The following KDM2A variants were observed in gnomAD, a reference collection of about 807,000 sequenced individuals.
The protein encoded by KDM2A is lysine-specific demethylase 2A.
KDM2A carries 3 observed loss-of-function variants against 137.3 expected under a neutral mutation model. That is an observed-to-expected ratio of 0.02 (90% CI 0.01 to 0.06). The LOEUF (loss-of-function observed/expected upper bound fraction) is 0.06, where lower values mean the gene tolerates loss of function less well. Ranked by LOEUF, KDM2A falls within the 10% of genes least tolerant of loss-of-function variation. The pLI is 1.00. For synonymous variants in KDM2A, 512 were observed against 541.5 expected, an observed-to-expected ratio of 0.95 and a Z score of 0.76; for missense variants, 738 against 1,510.6, an observed-to-expected ratio of 0.49 and a Z score of 8.48.
chr11:67,195,892 A>G (rs1234580077), intron 5 of KDM2A: 2 of 353,270 alleles, frequency 5.7e-6, no homozygotes, highest in South Asian at 2.7e-5. Context: ...CCAGTTCTCA[A>G]TAGGCTCCAA....
chr11:67,211,121 G>C (rs1857964237), intron 6 of KDM2A, among the ~76,000 whole-genome samples: 1 of 151,830 alleles, frequency 6.6e-6, no homozygotes, highest in Admixed American at 6.6e-5. Flanking sequence ...TGTTTCTATT[G>C]GTAGAATTCT....
chr11:67,245,541 A>G lies in KDM2A; in HGVS notation c.1833+83A>G. On this transcript the variant is annotated intron_variant, in intron 14 of 20. Coordinates refer to ENST00000529006, the MANE Select transcript of KDM2A (RefSeq NM_012308.3). This position sits in a 1 kb window ranked among gnomAD's most constrained non-coding sequence, Gnocchi z 4.1. ...AAATACATATAGTGTAGAGTTAAAG[A>G]GACTTCAGAGTTGGAAAGAAAAGGT... 6.9e-7 allele frequency: 1 copy of G among 1,453,722 alleles called. No individual in the cohort carries two copies. Among genetic ancestry groups the G allele is most frequent in the Non-Finnish European group, 9.4e-7 (1 of 1,060,798 alleles). The allele number at this position is 1,453,722 out of a possible 1,614,324, so 90.1% of individuals were successfully genotyped here. A position where few individuals can be genotyped will look rare whatever the true frequency, so the allele number is the denominator to read the frequency against.
chr11:67,155,626 T>G (rs2136311120), intron 2 of KDM2A, among the ~76,000 whole-genome samples: 1 of 150,640 alleles, frequency 6.6e-6, no homozygotes, highest in South Asian at 2.1e-4. Context: ...TATTTTTATT[T>G]ATTTTTTGAA....
intron 11 of KDM2A, among the ~76,000 whole-genome samples, chr11:67,230,324 A>G (rs558417433): frequency 1.3e-5 from 2 of 152,310 alleles, no homozygotes; most frequent in South Asian, 4.1e-4. Flanking sequence ...CATCTCAAAA[A>G]GTAACCAACA....
chr11:67,148,647 G>C (rs1463469858), intron 2 of KDM2A, among the ~76,000 whole-genome samples: 1 of 151,712 alleles, frequency 6.6e-6, no homozygotes. Context: ...CTAAAAATAC[G>C]AAAATGAACT....
intron 2 of KDM2A, among the ~76,000 whole-genome samples, chr11:67,146,256 G>C (rs542224329): frequency 6.6e-6 from 1 of 151,870 alleles, no homozygotes. Context: ...GCCTCCCAAA[G>C]TGCTGGGATT....
intron 8 of KDM2A, among the ~76,000 whole-genome samples, chr11:67,216,639 G>A (rs2136396449): frequency 1.3e-5 from 2 of 152,344 alleles, no homozygotes; most frequent in South Asian, 4.1e-4. Context: ...ATGAGGTCTT[G>A]GCCAGGCATG....
chr11:67,143,611 CTT>C (rs1266901850), intron 2 of KDM2A, among the ~76,000 whole-genome samples: 1 of 151,786 alleles, frequency 6.6e-6, no homozygotes, highest in East Asian at 1.9e-4. Context: ...GTCTGTCTGT[CTT>C]TCTCTTTTTA....
intron 5 of KDM2A, among the ~76,000 whole-genome samples, chr11:67,205,844 T>C (rs184063092): frequency 4.5e-4 from 69 of 152,208 alleles, no homozygotes; most frequent in Admixed American, 3.9e-3. Flanking sequence ...TTTCTGAATC[T>C]TTTAGCTTAT....
At chr11:67,217,683 T>A in intron 8 of KDM2A, 48 bp from the exon 9 acceptor site, 1 of 1,595,576 alleles carries the variant, frequency 6.3e-7, no homozygotes, top group Non-Finnish European at 8.6e-7. Flanking sequence ...GGGAGACGAC[T>A]GGGTCATGTC....
At chr11:67,162,124 T>C (rs1856650644) in intron 2 of KDM2A, among the ~76,000 whole-genome samples, 1 of 152,174 alleles carries the variant, frequency 6.6e-6, no homozygotes, top group Non-Finnish European at 1.5e-5. Flanking sequence ...AGAAATATAA[T>C]GATGGATAAA....
At chr11:67,154,296 T>C (rs1235365840) in intron 2 of KDM2A, among the ~76,000 whole-genome samples, 1 of 152,184 alleles carries the variant, frequency 6.6e-6, no homozygotes, top group East Asian at 1.9e-4. Context: ...TGAGGTAAAA[T>C]TTGTGTAACA....
chr11:67,255,529 C>CT lies in KDM2A; in HGVS notation c.*476dup, dbSNP rs1269026408. The CT allele has an allele frequency of 2.2e-6, 1 of 457,042 alleles. No individual in the cohort carries two copies. The highest frequency in any genetic ancestry group is 4.4e-6 in the Non-Finnish European group (1 of 227,186). 28.3% of individuals were successfully genotyped at this position (457,042 alleles called of 1,614,324 possible). A position where few individuals can be genotyped will look rare whatever the true frequency, so the allele number is the denominator to read the frequency against. On this transcript the variant is annotated 3_prime_UTR_variant, in exon 21 of 21. Coordinates refer to ENST00000529006, the MANE Select transcript of KDM2A (RefSeq NM_012308.3). ...TCTCTCCTCCATCACACTCTCCCGGCTTGCGCAGGAGGGGCCAGCAGCCCC... is the reference window on the plus strand; with the variant it reads ...TCTCTCCTCCATCACACTCTCCCGGCTTTGCGCAGGAGGGGCCAGCAGCCCC...
At chr11:67,156,628 A>G (rs944534975) in intron 2 of KDM2A, among the ~76,000 whole-genome samples, 1 of 150,702 alleles carries the variant, frequency 6.6e-6, no homozygotes, top group Non-Finnish European at 1.5e-5. Flanking sequence ...CTGAGGCAGG[A>G]GAATGGCGTG....
At chr11:67,185,783 A>G (rs1453254708) in intron 5 of KDM2A, among the ~76,000 whole-genome samples, 2 of 152,084 alleles carry the variant, frequency 1.3e-5, no homozygotes, top group Non-Finnish European at 2.9e-5. Context: ...TTATAAAAGC[A>G]TGAGTTCGGC....
intron 5 of KDM2A, among the ~76,000 whole-genome samples, chr11:67,191,721 C>G (rs996859699): frequency 1.3e-5 from 2 of 152,062 alleles, no homozygotes; most frequent in African/African-American, 4.8e-5. Context: ...ATGAAAAACC[C>G]TCAGTAAATA....
chr11:67,251,985 G>C (rs1859443402), intron 17 of KDM2A, among the ~76,000 whole-genome samples: 1 of 152,166 alleles, frequency 6.6e-6, no homozygotes, highest in African/African-American at 2.4e-5. Flanking sequence ...CCAGGCTGGG[G>C]GGCAGGGGCT....
chr11:67,207,759 T>A, intron 6 of KDM2A, 71 bp downstream of exon 6: 1 of 1,259,348 alleles, frequency 7.9e-7, no homozygotes, highest in Non-Finnish European at 1.1e-6. Flanking sequence ...CGTTGGTAAC[T>A]GATGCTTGTT....
intron 2 of KDM2A, among the ~76,000 whole-genome samples, chr11:67,124,032 C>G (rs1700486636): frequency 6.6e-6 from 1 of 151,798 alleles, no homozygotes; most frequent in African/African-American, 2.4e-5. Flanking sequence ...GAGACTGAGT[C>G]TCGCTCTGTT....
Sources: allele counts gnomAD v4.1 joint callset (sites outside exome capture counted in the v4.1 genomes callset), GRCh38; gene constraint gnomAD v4.1.1; non-coding constraint Gnocchi (gnomAD v3.1); transcripts MANE v1.5; gene names NCBI Gene and HGNC (gene_info 2026-07-23, HGNC 2026-07-21).